The following IQGAP2 variants were observed in gnomAD, a reference collection of about 807,000 sequenced individuals.
IQGAP2 encodes ras GTPase-activating-like protein IQGAP2.
IQGAP2 carries 173 observed loss-of-function variants against 201.3 expected under a neutral mutation model. The observed-to-expected ratio is 0.86, with a 90% CI of 0.76 to 0.98. The LOEUF is 0.98. IQGAP2 is among the 50% of genes least tolerant of loss of function. The probability of loss-of-function intolerance (pLI) is 0.00; values close to 1 mark genes in which losing one functional copy is unlikely to be tolerated. For missense variants in IQGAP2, 1,687 were observed against 1,864.8 expected, an observed-to-expected ratio of 0.90 and a Z score of 1.76; for synonymous variants, 675 against 673.9, an observed-to-expected ratio of 1.00 and a Z score of -0.03.
intron 32 of IQGAP2, among the ~76,000 whole-genome samples, chr5:76,697,072 A>G (rs534295491): frequency 6.6e-6 from 1 of 152,326 alleles, no homozygotes; most frequent in Admixed American, 6.5e-5. Flanking sequence ...TAGAATTATG[A>G]AAAAAACTTA....
intron 2 of IQGAP2, among the ~76,000 whole-genome samples, chr5:76,500,730 A>T (rs1035089660): frequency 2.6e-5 from 4 of 152,072 alleles, no homozygotes; most frequent in Admixed American, 6.6e-5. Flanking sequence ...CTACTGTATC[A>T]TAAGTATTTT....
At chr5:76,628,627 C>A in intron 14 of IQGAP2, 1 of 426,930 alleles carries the variant, frequency 2.3e-6, no homozygotes, top group Non-Finnish European at 4.6e-6. Context: ...TAATTAGAAT[C>A]TATTCTGTTG....
Position 76,636,935 on chromosome 5 carries a change from G to A in IQGAP2, c.1781-99G>A, listed in dbSNP as rs538422503. The A allele has an allele frequency of 3.2e-5, 33 of 1,015,892 alleles. No homozygotes were observed. In the Admixed American group the frequency reaches 7.2e-4, roughly 22 times the overall value. The allele number at this position is 1,015,892 out of a possible 1,614,324, so 62.9% of individuals were successfully genotyped here. On this transcript the variant is annotated intron_variant, in intron 15 of 35. Transcript: ENST00000274364. ...ATGCCTTTGGCTGTCTGAAGGTTTG[G>A]TGAAAAACATATTCAATTATTTTAC...
At chr5:76,704,116 T>C (rs1049594629) in intron 35 of IQGAP2, among the ~76,000 whole-genome samples, 1 of 152,262 alleles carries the variant, frequency 6.6e-6, no homozygotes, top group Non-Finnish European at 1.5e-5. Context: ...ACAGTATTGT[T>C]TTCTAACTTA....
Position 76,644,307 on chromosome 5 carries a change from T to TTTTTTTTTTTTTTTTTTTTTTTTG in IQGAP2, c.2094+3214_2094+3215insTTTTTTTTTTTTTGTTTTTTTTTT, listed in dbSNP as rs1751850894. Among the ~76,000 whole-genome samples, 2 of 109,594 alleles carry TTTTTTTTTTTTTTTTTTTTTTTTG rather than the reference T, an allele frequency of 1.8e-5. 1 individual carries two copies. The highest frequency in any genetic ancestry group is 7.3e-4 in the South Asian group (2 of 2,726). 71.9% of individuals were successfully genotyped at this position (109,594 alleles called of 152,430 possible). On this transcript the variant is annotated intron_variant, in intron 17 of 35. Transcript: ENST00000274364. ...ATTTTTGTAAATCCTTTTTTTTTTT[T>TTTTTTTTTTTTTTTTTTTTTTTTG]TTTTTTTTTTGAGACAGAGTCTTGC...
chr5:76,664,742 A>C (rs1428374334), intron 21 of IQGAP2, among the ~76,000 whole-genome samples: 2 of 152,232 alleles, frequency 1.3e-5, no homozygotes, highest in Non-Finnish European at 2.9e-5. Context: ...ATAATGAAAA[A>C]GTTCTACATA....
In IQGAP2 at chr5:76,544,700, G is replaced by A. The variant is rs1214102560; in HGVS notation, c.147-17696G>A. 2.0e-5 allele frequency among the ~76,000 whole-genome samples: 3 copies of A among 151,954 alleles called. No homozygotes were observed. In the East Asian group the frequency reaches 5.8e-4, roughly 29 times the overall value. ...TAATTAAGTGCTTTAATTTTTTTTG[G>A]TCATATATACACGTGGTGCAAAATG... On this transcript the variant is annotated intron_variant, in intron 2 of 35. Transcript: ENST00000274364.
At chr5:76,629,228 A>G (rs1750499563) in intron 14 of IQGAP2, among the ~76,000 whole-genome samples, 2 of 152,162 alleles carry the variant, frequency 1.3e-5, no homozygotes, top group Admixed American at 1.3e-4. Flanking sequence ...AGCAAAAAAG[A>G]TTTTCCAAAG....
At chr5:76,515,770 T>A (rs955019237) in intron 2 of IQGAP2, among the ~76,000 whole-genome samples, 3 of 152,202 alleles carry the variant, frequency 2.0e-5, no homozygotes, top group African/African-American at 4.8e-5. Context: ...TGTTTTGTTT[T>A]CTTTTTATTC....
Position 76,674,460 on chromosome 5 carries a change from C to T in IQGAP2, c.3295-17C>T. 2 of 1,537,992 alleles carry T rather than the reference C, an allele frequency of 1.3e-6. No individual in the cohort carries two copies. The highest frequency in any genetic ancestry group is 1.8e-6 in the Non-Finnish European group (2 of 1,112,708). ...TTTCTCTCTTAAAAATGGTCATGCACTTCTGCGTCACTCCAGATTGTTGGA... is the reference window on the plus strand; with the variant it reads ...TTTCTCTCTTAAAAATGGTCATGCATTTCTGCGTCACTCCAGATTGTTGGA... On this transcript the variant is annotated splice_polypyrimidine_tract_variant and intron_variant, in intron 26 of 35. Coordinates refer to ENST00000274364, the MANE Select transcript of IQGAP2 (RefSeq NM_006633.5).
At chr5:76,621,916 G>A (rs1749717912) in intron 13 of IQGAP2, among the ~76,000 whole-genome samples, 1 of 152,106 alleles carries the variant, frequency 6.6e-6, no homozygotes, top group Admixed American at 6.6e-5. Context: ...GGTGTCCAAG[G>A]GAGAGAATAC....
intron 2 of IQGAP2, among the ~76,000 whole-genome samples, chr5:76,497,264 C>T (rs372678890): frequency 5.3e-5 from 8 of 152,176 alleles, no homozygotes; most frequent in South Asian, 4.1e-4. Flanking sequence ...CTGCCTTCTG[C>T]GGTTTGGAGT....
At chr5:76,510,744 G>T in intron 2 of IQGAP2, 1 of 504,510 alleles carries the variant, frequency 2.0e-6, no homozygotes, top group Non-Finnish European at 4.0e-6. Context: ...GTGTACCTGG[G>T]GGCACCCACA....
intron 14 of IQGAP2, 118 bp downstream of exon 14, chr5:76,627,618 GAC>G: frequency 1.5e-6 from 1 of 667,884 alleles, no homozygotes; most frequent in Non-Finnish European, 2.7e-6. Flanking sequence ...TTAGTTCTTG[GAC>G]ACATAATTAT....
chr5:76,403,700 A>C lies in IQGAP2; in HGVS notation c.46+109A>C. 1.1e-6 allele frequency: 1 copy of C among 951,762 alleles called. No individual in the cohort carries two copies. Among genetic ancestry groups the C allele is most frequent in the Non-Finnish European group, 1.4e-6 (1 of 692,722 alleles). The allele number at this position is 951,762 out of a possible 1,614,324, so 59.0% of individuals were successfully genotyped here. A position where few individuals can be genotyped will look rare whatever the true frequency, so the allele number is the denominator to read the frequency against. On this transcript the variant is annotated intron_variant, in intron 1 of 35. Coordinates refer to ENST00000274364, the MANE Select transcript of IQGAP2 (RefSeq NM_006633.5). This position sits in a 1 kb window ranked among gnomAD's most constrained non-coding sequence, Gnocchi z 4.8. ...GGTTGCGCGGCGCAGAGGAAATTGG[A>C]AGGCAGCAACTGCGCGGCTGGCAAA...
intron 17 of IQGAP2, among the ~76,000 whole-genome samples, chr5:76,650,579 A>G (rs1752438189): frequency 6.6e-6 from 1 of 152,194 alleles, no homozygotes; most frequent in African/African-American, 2.4e-5. Context: ...CTGTTCTCCA[A>G]AATACAGAGC....
At chr5:76,693,789 A>T in intron 31 of IQGAP2, 3 of 167,896 alleles carry the variant, frequency 1.8e-5, no homozygotes, top group Admixed American at 5.9e-5. Context: ...TACCTTTCAC[A>T]TTTTATGTAT....
chr5:76,470,936 A>G (rs1020262334), intron 2 of IQGAP2, among the ~76,000 whole-genome samples: 45 of 152,264 alleles, frequency 3.0e-4, no homozygotes, highest in South Asian at 6.2e-4. Context: ...CAGAAATCCT[A>G]CTATTTAAAT....
At chr5:76,486,717 G>A (rs1021767482) in intron 2 of IQGAP2, among the ~76,000 whole-genome samples, 1 of 152,148 alleles carries the variant, frequency 6.6e-6, no homozygotes, top group South Asian at 2.1e-4. Context: ...TGTAAAAGAA[G>A]CTGATTGTAT....
Sources: gnomAD v4.1 joint callset for allele counts (sites outside exome capture counted in the v4.1 genomes callset) on GRCh38, gnomAD v4.1.1 for gene constraint, Gnocchi (gnomAD v3.1) non-coding constraint, MANE v1.5 for transcripts, NCBI Gene and HGNC (gene_info 2026-07-23, HGNC 2026-07-21) for gene names.